TSHZ2: variants seen among roughly 807,000 people sequenced by gnomAD.
TSHZ2 encodes the protein teashirt homolog 2.
In TSHZ2, 21 loss-of-function variants were observed where a neutral mutation model predicts 74.4. The ratio of observed to expected loss-of-function variants is 0.28; its 90% CI spans 0.20 to 0.41. The LOEUF (loss-of-function observed/expected upper bound fraction) is 0.41, where lower values mean the gene tolerates loss of function less well. Among genes scored for constraint, TSHZ2 ranks in the 10% least tolerant of loss-of-function variants. The probability of loss-of-function intolerance (pLI) is 1.00; values close to 1 mark genes in which losing one functional copy is unlikely to be tolerated. For synonymous variants in TSHZ2, 540 were observed against 515.3 expected (o/e 1.05, Z -0.65); for missense variants, 1,244 against 1,293.5 (o/e 0.96, Z 0.59).
chr20:53,419,805 G>A (rs1441858398), intron 2 of TSHZ2, among the ~76,000 whole-genome samples: 1 of 152,192 alleles, frequency 6.6e-6, no homozygotes, highest in Non-Finnish European at 1.5e-5. Context: ...CACCTTGCTG[G>A]GGCAGAAGGG....
At chr20:53,431,229 G>A (rs1021442478) in intron 2 of TSHZ2, among the ~76,000 whole-genome samples, 1 of 152,022 alleles carries the variant, frequency 6.6e-6, no homozygotes, top group African/African-American at 2.4e-5. Flanking sequence ...GGGAGGCCGA[G>A]GCAGATCACT....
At chr20:53,345,655 A>G (rs760114729) in intron 2 of TSHZ2, among the ~76,000 whole-genome samples, 1 of 152,030 alleles carries the variant, frequency 6.6e-6, no homozygotes, top group African/African-American at 2.4e-5. Context: ...GCACATTTGT[A>G]AATCTGATCC....
chr20:53,069,784 T>C (rs970924230), intron 1 of TSHZ2, among the ~76,000 whole-genome samples: 7 of 151,512 alleles, frequency 4.6e-5, no homozygotes, highest in African/African-American at 1.7e-4. Flanking sequence ...ATACAGTGGG[T>C]TTGACAGTTG....
intron 2 of TSHZ2, among the ~76,000 whole-genome samples, chr20:53,332,666 G>A (rs1479495605): frequency 6.6e-6 from 1 of 152,206 alleles, no homozygotes; most frequent in Non-Finnish European, 1.5e-5. Context: ...AGAAGCCCGA[G>A]TGTGCTAAGC....
chr20:53,050,111 A>ATATATATACATATATATATGTG (rs1568736198), intron 1 of TSHZ2, among the ~76,000 whole-genome samples: 1 of 97,598 alleles, frequency 1.0e-5, no homozygotes, highest in African/African-American at 7.4e-5. Flanking sequence ...GTGTATATAT[A>ATATATATACATATATATATGTG]TATATATATA....
chr20:53,368,704 T>C (rs1252815363), intron 2 of TSHZ2, among the ~76,000 whole-genome samples: 1 of 152,090 alleles, frequency 6.6e-6, no homozygotes, highest in African/African-American at 2.4e-5. Flanking sequence ...ATGAGCAAAA[T>C]GAGGGGAAAT....
intron 1 of TSHZ2, among the ~76,000 whole-genome samples, chr20:53,155,262 G>T (rs1987768532): frequency 2.0e-5 from 3 of 151,934 alleles, no homozygotes; most frequent in Non-Finnish European, 1.5e-5. Context: ...GTAGGTAATA[G>T]GGGAAGAGTT....
chr20:53,155,701 C>A (rs1247231043), intron 1 of TSHZ2, among the ~76,000 whole-genome samples: 4 of 152,080 alleles, frequency 2.6e-5, no homozygotes, highest in Non-Finnish European at 5.9e-5. Context: ...GGAAAAATTA[C>A]AAAAGGTTTT....
intron 1 of TSHZ2, among the ~76,000 whole-genome samples, chr20:53,048,682 T>A (rs773244146): frequency 3.9e-5 from 6 of 152,188 alleles, no homozygotes; most frequent in Non-Finnish European, 8.8e-5. Flanking sequence ...GTCTGCAAAG[T>A]GAGAACTCAA....
chr20:53,243,822 C>CTTTTTTTTTTT (rs5841936), intron 1 of TSHZ2, among the ~76,000 whole-genome samples: 3 of 145,700 alleles, frequency 2.1e-5, no homozygotes, highest in Non-Finnish European at 3.0e-5. Flanking sequence ...TGCTTGCTTG[C>CTTTTTTTTTTT]TTTTTTTTTT....
chr20:53,263,631 A>C (rs1025747985), intron 2 of TSHZ2, among the ~76,000 whole-genome samples: 3 of 152,192 alleles, frequency 2.0e-5, no homozygotes, highest in African/African-American at 7.2e-5. Flanking sequence ...CCTTCAAGCC[A>C]AACAAAGTAC....
chr20:53,126,234 T>C (rs376960576), intron 1 of TSHZ2, among the ~76,000 whole-genome samples: 1 of 152,222 alleles, frequency 6.6e-6, no homozygotes, highest in South Asian at 2.1e-4. Context: ...GGCAGAGCGA[T>C]GTCCACAAAG....
chr20:53,173,703 G>A (rs563840916), intron 1 of TSHZ2, among the ~76,000 whole-genome samples: 48 of 152,198 alleles, frequency 3.2e-4, no homozygotes, highest in South Asian at 8.3e-4. Flanking sequence ...CTGAACAGTT[G>A]TGTAACTGAA....
intron 1 of TSHZ2, among the ~76,000 whole-genome samples, chr20:53,225,242 C>T (rs905885663): frequency 6.6e-6 from 1 of 152,234 alleles, no homozygotes; most frequent in Non-Finnish European, 1.5e-5. Flanking sequence ...ACCCACTCTT[C>T]TTTCTCTTCC....
chr20:53,339,285 T>A (rs1027765807), intron 2 of TSHZ2, among the ~76,000 whole-genome samples: 3 of 151,942 alleles, frequency 2.0e-5, no homozygotes, highest in African/African-American at 7.3e-5. Flanking sequence ...ATGCAGGGAG[T>A]GGTGGGCACA....
At chr20:53,274,504 T>C (rs1162257326) in intron 2 of TSHZ2, among the ~76,000 whole-genome samples, 2 of 152,222 alleles carry the variant, frequency 1.3e-5, no homozygotes, top group Admixed American at 1.3e-4. Flanking sequence ...TTTTTCAAAA[T>C]GATTTAGTGA....
chr20:53,141,349 TTAGA>T (rs534093089), intron 1 of TSHZ2, among the ~76,000 whole-genome samples: 124 of 152,278 alleles, frequency 8.1e-4, no homozygotes, highest in Non-Finnish European at 1.3e-3. Context: ...TCATTAGTTC[TTAGA>T]TAGTGTTTTA....
chr20:53,225,384 T>C (rs1187842298), intron 1 of TSHZ2, among the ~76,000 whole-genome samples: 3 of 152,224 alleles, frequency 2.0e-5, no homozygotes, highest in Non-Finnish European at 2.9e-5. Flanking sequence ...TTGTACATAG[T>C]AGGCTTTCAA....
At chr20:53,046,870 G>A (rs1984247455) in intron 1 of TSHZ2, among the ~76,000 whole-genome samples, 1 of 152,184 alleles carries the variant, frequency 6.6e-6, no homozygotes, top group Non-Finnish European at 1.5e-5. Flanking sequence ...TTCACAAAAG[G>A]TCTGGCTCAT....
Sources: gnomAD v4.1 joint callset for allele counts (sites outside exome capture counted in the v4.1 genomes callset) on GRCh38, gnomAD v4.1.1 for gene constraint, MANE v1.5 for transcripts, NCBI Gene and HGNC (gene_info 2026-07-23, HGNC 2026-07-21) for gene names.